The following TNIK variants were observed in gnomAD, a reference collection of about 807,000 sequenced individuals.
TNIK encodes the protein TRAF2 and NCK interacting kinase, also known as TRAF2 and NCK-interacting protein kinase.
A neutral mutation model predicts 191.3 loss-of-function variants in TNIK; 49 were observed. That is an observed-to-expected ratio of 0.26 (90% confidence interval 0.20 to 0.32). The LOEUF (loss-of-function observed/expected upper bound fraction) is 0.32, where lower values mean the gene tolerates loss of function less well. TNIK is among the 10% of genes least tolerant of loss of function. The probability of loss-of-function intolerance (pLI) is 1.00; values close to 1 mark genes in which losing one functional copy is unlikely to be tolerated. For missense variants in TNIK, 1,155 were observed against 1,702.3 expected (o/e 0.68, Z 5.66); for synonymous variants, 594 against 600.9 (o/e 0.99, Z 0.17).
intron 4 of TNIK, among the ~76,000 whole-genome samples, chr3:171,201,811 T>G (rs1282240949): frequency 6.6e-6 from 1 of 152,186 alleles, no homozygotes; most frequent in Non-Finnish European, 1.5e-5. Context: ...TATCTATCTA[T>G]CTATATATAA....
At chr3:171,171,811 A>G (rs1454773148) in intron 9 of TNIK, among the ~76,000 whole-genome samples, 2 of 152,348 alleles carry the variant, frequency 1.3e-5, no homozygotes, top group East Asian at 3.9e-4. Context: ...CACAAGAGAC[A>G]GGAAGAGAGA....
At chr3:171,085,338 T>C (rs1402118859) in intron 24 of TNIK, 109 bp from the exon 25 acceptor site, 1 of 1,060,236 alleles carries the variant, frequency 9.4e-7, no homozygotes, top group East Asian at 2.7e-5. Context: ...TTCAAGGTAT[T>C]CAGGTGTTCA....
chr3:171,268,901 G>T (rs1339447029), intron 2 of TNIK, among the ~76,000 whole-genome samples: 1 of 152,154 alleles, frequency 6.6e-6, no homozygotes, highest in African/African-American at 2.4e-5. Context: ...ATGGAGTGAT[G>T]CAAATTCAAA....
intron 5 of TNIK, among the ~76,000 whole-genome samples, chr3:171,191,503 G>A (rs572719415): frequency 6.6e-5 from 10 of 152,308 alleles, no homozygotes; most frequent in African/African-American, 2.2e-4. Flanking sequence ...CTCCCAAAGT[G>A]CTGGGAATCC....
intron 12 of TNIK, among the ~76,000 whole-genome samples, chr3:171,147,624 T>C (rs1257697805): frequency 6.6e-6 from 1 of 152,098 alleles, no homozygotes; most frequent in African/African-American, 2.4e-5. Context: ...ACAAAAATAA[T>C]AATAACTATA....
In TNIK at chr3:171,157,643, C is replaced by G; in HGVS notation, c.1038G>C (p.Gly346=). 6.4e-7 allele frequency: 1 copy of G among 1,555,198 alleles called. No homozygotes were observed. Among genetic ancestry groups the G allele is most frequent in the Non-Finnish European group, 8.7e-7 (1 of 1,149,242 alleles). ...GAAAGTCCCTCCGCAGCGTCGACTCCCCTGGCAGATTCAGGATGGAGCTGT... is the reference window on the plus strand; with the variant it reads ...GAAAGTCCCTCCGCAGCGTCGACTCGCCTGGCAGATTCAGGATGGAGCTGT... ...GEPSSILNLP[G]ESTLRRDFLR... The change falls in exon 12 of 33, where the codon GGG becomes GGC. Residue 346 remains glycine (G), a synonymous_variant. Coordinates refer to ENST00000436636, the MANE Select transcript of TNIK (RefSeq NM_015028.4).
chr3:171,131,640 T>G (rs552809404), intron 15 of TNIK, among the ~76,000 whole-genome samples: 4 of 152,286 alleles, frequency 2.6e-5, no homozygotes, highest in Middle Eastern at 3.4e-3. Context: ...CAAAGAAAAT[T>G]GAAAATCTAA....
At chr3:171,222,581 C>T (rs1742490418) in intron 3 of TNIK, among the ~76,000 whole-genome samples, 1 of 152,082 alleles carries the variant, frequency 6.6e-6, no homozygotes, top group Admixed American at 6.6e-5. Flanking sequence ...ACAATGTGTC[C>T]ACCTTACTCT....
intron 1 of TNIK, among the ~76,000 whole-genome samples, chr3:171,430,101 T>C (rs1023901496): frequency 6.6e-6 from 1 of 152,134 alleles, no homozygotes; most frequent in African/African-American, 2.4e-5. Context: ...GTTTAAAAAC[T>C]AGTGACATGA....
chr3:171,178,931 G>A (rs1209151289), intron 7 of TNIK, among the ~76,000 whole-genome samples: 2 of 152,100 alleles, frequency 1.3e-5, no homozygotes, highest in East Asian at 3.8e-4. Context: ...CCAGAACTAA[G>A]TTTCTCAATA....
At chr3:171,390,581 T>G (rs1320657581) in intron 1 of TNIK, among the ~76,000 whole-genome samples, 1 of 152,212 alleles carries the variant, frequency 6.6e-6, no homozygotes, top group Non-Finnish European at 1.5e-5. Flanking sequence ...CTTGGTTAGG[T>G]TCACAGAAGC....
At chr3:171,080,621 T>G (rs1200937518) in intron 27 of TNIK, among the ~76,000 whole-genome samples, 1 of 152,072 alleles carries the variant, frequency 6.6e-6, no homozygotes, top group Non-Finnish European at 1.5e-5. Context: ...ATATTTTTAG[T>G]AGAGATGGGG....
chr3:171,459,066 A>G (rs555631517), intron 1 of TNIK, among the ~76,000 whole-genome samples: 1 of 152,268 alleles, frequency 6.6e-6, no homozygotes, highest in African/African-American at 2.4e-5. Context: ...TCTGATCTCA[A>G]AACAACAGCA....
intron 1 of TNIK, among the ~76,000 whole-genome samples, chr3:171,383,007 C>G (rs1450685941): frequency 6.6e-6 from 1 of 152,068 alleles, no homozygotes; most frequent in Non-Finnish European, 1.5e-5. Context: ...GGGTATTTTG[C>G]AAAGGTTATT....
In TNIK at chr3:171,060,239, T is replaced by C. The variant is rs573391049; in HGVS notation, c.*3642A>G. Among the ~76,000 whole-genome samples the C allele has an allele frequency of 1.8e-4, 28 of 152,024 alleles. No individual in the cohort carries two copies. The highest frequency in any genetic ancestry group is 6.8e-4 in the African/African-American group (28 of 41,450). On this transcript the variant is annotated 3_prime_UTR_variant, in exon 33 of 33. Coordinates refer to ENST00000436636, the MANE Select transcript of TNIK (RefSeq NM_015028.4). ...GGAATGTGAGACTTTAGCCCCTTCCTTTCCTGGCAGTGGATAAAACCAAAA... is the reference window on the plus strand; with the variant it reads ...GGAATGTGAGACTTTAGCCCCTTCCCTTCCTGGCAGTGGATAAAACCAAAA...
chr3:171,195,174 C>T (rs1489062254), intron 4 of TNIK, among the ~76,000 whole-genome samples: 1 of 152,150 alleles, frequency 6.6e-6, no homozygotes, highest in Non-Finnish European at 1.5e-5. Flanking sequence ...AAACAATAAA[C>T]TCTAATTTAG....
chr3:171,373,258 C>T (rs910144248), intron 1 of TNIK, among the ~76,000 whole-genome samples: 1 of 150,732 alleles, frequency 6.6e-6, no homozygotes. Flanking sequence ...CCTTTTGAGG[C>T]ATTTATACTC....
intron 22 of TNIK, among the ~76,000 whole-genome samples, chr3:171,095,719 A>G (rs1465269028): frequency 6.6e-6 from 1 of 152,198 alleles, no homozygotes. Flanking sequence ...TGAAAAAATG[A>G]CAGGGGGAGT....
At chr3:171,125,847 G>A in intron 17 of TNIK, 65 bp downstream of exon 17, 2 of 1,579,902 alleles carry the variant, frequency 1.3e-6, no homozygotes, top group South Asian at 1.2e-5. Context: ...GAAAGGTCTG[G>A]AATAGTGGTA....
Sources: gnomAD v4.1 joint callset for allele counts (sites outside exome capture counted in the v4.1 genomes callset) on GRCh38, gnomAD v4.1.1 for gene constraint, MANE v1.5 for transcripts, NCBI Gene and HGNC (gene_info 2026-07-23, HGNC 2026-07-21) for gene names.